EPHA6: variants seen among roughly 807,000 people sequenced by gnomAD.
The protein encoded by EPHA6 is ephrin type-A receptor 6.
In EPHA6, 50 loss-of-function variants were observed where a neutral mutation model predicts 112.0. The observed-to-expected ratio is 0.45, with a 90% confidence interval of 0.36 to 0.56. The LOEUF (loss-of-function observed/expected upper bound fraction) is 0.56. EPHA6 is among the 20% of genes least tolerant of loss of function. The probability of loss-of-function intolerance (pLI) is 0.00; values close to 1 mark genes in which losing one functional copy is unlikely to be tolerated. For missense variants in EPHA6, 1,280 were observed against 1,417.4 expected, an observed-to-expected ratio of 0.90 and a Z score of 1.56; for synonymous variants, 529 against 490.7, an observed-to-expected ratio of 1.08 and a Z score of -1.03.
intron 11 of EPHA6, 96 bp downstream of exon 11, chr3:97,532,639 A>G: frequency 9.9e-7 from 1 of 1,009,538 alleles, no homozygotes; most frequent in Non-Finnish European, 1.4e-6. Flanking sequence ...CACAGTCATT[A>G]AAGGAATAAC....
At chr3:97,079,216 T>C (rs72920204) in intron 3 of EPHA6, among the ~76,000 whole-genome samples, 2,692 of 152,164 alleles carry the variant, frequency 0.018, 84 homozygotes, top group African/African-American at 0.056. Flanking sequence ...TGCCCATCAA[T>C]GTTAGGATGA....
chr3:97,201,024 T>C (rs2077565994), intron 3 of EPHA6, among the ~76,000 whole-genome samples: 1 of 152,176 alleles, frequency 6.6e-6, no homozygotes, highest in African/African-American at 2.4e-5. Context: ...ATAATGAAAC[T>C]GCATATTAGA....
intron 2 of EPHA6, among the ~76,000 whole-genome samples, chr3:96,949,796 C>G (rs1279390026): frequency 1.3e-5 from 2 of 152,116 alleles, no homozygotes; most frequent in Non-Finnish European, 2.9e-5. Flanking sequence ...CTTACTCTCT[C>G]TAGGACATCT....
chr3:96,865,564 C>G (rs1412923683), intron 1 of EPHA6, among the ~76,000 whole-genome samples: 1 of 151,700 alleles, frequency 6.6e-6, no homozygotes, highest in Non-Finnish European at 1.5e-5. Flanking sequence ...TGCCTGTAGT[C>G]CCAGCTACTC....
At chr3:97,680,514 A>G (rs1051762732) in intron 14 of EPHA6, among the ~76,000 whole-genome samples, 2 of 152,238 alleles carry the variant, frequency 1.3e-5, no homozygotes, top group African/African-American at 4.8e-5. Flanking sequence ...AAGTGTGACT[A>G]AATGAATGAA....
Position 96,814,933 on chromosome 3 carries a change from C to A in EPHA6, c.310C>A (p.Leu104Ile), listed in dbSNP as rs1388393239. 1 of 1,551,404 alleles carries A rather than the reference C, an allele frequency of 6.4e-7. No homozygotes were observed. The highest frequency in any genetic ancestry group is 8.7e-7 in the Non-Finnish European group (1 of 1,146,622). ...GGGGGGCTGCGAAGTCCGGGAATTT[C>A]TTTTGCAATTTGGTTTCTTCTTGCC... The part of the protein sequence containing the change: ...TMGGCEVREF[L>I]LQFGFFLPLL... Residue 104 changes from leucine (L) to isoleucine (I), a missense_variant, in exon 1 of 18, where the codon CTT becomes ATT. By Grantham distance (5) the Leu-to-Ile change is conservative (BLOSUM62 2). Transcript: ENST00000389672.
chr3:96,960,495 A>G (rs1343479486), intron 2 of EPHA6, among the ~76,000 whole-genome samples: 1 of 152,106 alleles, frequency 6.6e-6, no homozygotes, highest in Non-Finnish European at 1.5e-5. Flanking sequence ...CATCATTTCT[A>G]CTGAAACTAG....
At chr3:97,392,342 C>A (rs1317559608) in intron 5 of EPHA6, among the ~76,000 whole-genome samples, 1 of 151,554 alleles carries the variant, frequency 6.6e-6, no homozygotes, top group African/African-American at 2.4e-5. Flanking sequence ...TCAAGATATA[C>A]TTCTGTTTTG....
chr3:97,300,061 A>G (rs964722578), intron 5 of EPHA6, among the ~76,000 whole-genome samples: 1 of 152,192 alleles, frequency 6.6e-6, no homozygotes, highest in African/African-American at 2.4e-5. Context: ...ATCAGATGAA[A>G]TCTCAAGAGT....
intron 13 of EPHA6, among the ~76,000 whole-genome samples, chr3:97,618,238 A>T (rs2093782886): frequency 6.6e-6 from 1 of 152,134 alleles, no homozygotes; most frequent in Non-Finnish European, 1.5e-5. Flanking sequence ...ATGAGAATAA[A>T]TATACAATGT....
intron 5 of EPHA6, among the ~76,000 whole-genome samples, chr3:97,302,690 A>G (rs1438645863): frequency 6.6e-6 from 1 of 151,940 alleles, no homozygotes; most frequent in Admixed American, 6.6e-5. Flanking sequence ...AGACAGTTTG[A>G]TCTTTGCCTG....
intron 5 of EPHA6, among the ~76,000 whole-genome samples, chr3:97,297,382 T>A (rs2080910650): frequency 6.6e-6 from 1 of 152,228 alleles, no homozygotes; most frequent in African/African-American, 2.4e-5. Context: ...AAAGGCTAGT[T>A]CTGGCTGCCT....
intron 2 of EPHA6, among the ~76,000 whole-genome samples, chr3:96,881,169 C>G (rs1017343726): frequency 6.6e-6 from 1 of 152,142 alleles, no homozygotes; most frequent in African/African-American, 2.4e-5. Flanking sequence ...TCCTCCCTAT[C>G]CTCACCAATG....
At chr3:97,390,105 G>A (rs915625462) in intron 5 of EPHA6, among the ~76,000 whole-genome samples, 3 of 152,204 alleles carry the variant, frequency 2.0e-5, no homozygotes, top group Admixed American at 6.6e-5. Flanking sequence ...TCCTCAGGAA[G>A]CCATGAATGT....
intron 10 of EPHA6, among the ~76,000 whole-genome samples, chr3:97,485,784 G>T (rs1218016441): frequency 6.6e-6 from 1 of 152,170 alleles, no homozygotes; most frequent in Non-Finnish European, 1.5e-5. Flanking sequence ...GAGGAGGTTG[G>T]ATAATCTCCA....
At chr3:97,284,854 A>T (rs891302989) in intron 5 of EPHA6, among the ~76,000 whole-genome samples, 2 of 152,166 alleles carry the variant, frequency 1.3e-5, no homozygotes, top group African/African-American at 4.8e-5. Flanking sequence ...ATTTACATAG[A>T]TCTATCAGAA....
intron 2 of EPHA6, among the ~76,000 whole-genome samples, chr3:96,894,993 C>A (rs1427666885): frequency 2.0e-5 from 3 of 152,178 alleles, no homozygotes; most frequent in Non-Finnish European, 2.9e-5. Context: ...TATCTACTTA[C>A]AAGCAAATCT....
intron 11 of EPHA6, among the ~76,000 whole-genome samples, chr3:97,550,054 A>G (rs2093008790): frequency 6.6e-6 from 1 of 152,224 alleles, no homozygotes; most frequent in Non-Finnish European, 1.5e-5. Context: ...AATCTCCAGT[A>G]TGGATGAAAC....
At chr3:97,202,006 G>A (rs2077589212) in intron 3 of EPHA6, among the ~76,000 whole-genome samples, 1 of 152,122 alleles carries the variant, frequency 6.6e-6, no homozygotes, top group Non-Finnish European at 1.5e-5. Flanking sequence ...ACATGCTGAT[G>A]ATGCTGTTTT....
Sources: gnomAD v4.1 joint callset for allele counts (sites outside exome capture counted in the v4.1 genomes callset) on GRCh38, gnomAD v4.1.1 for gene constraint, MANE v1.5 for transcripts, NCBI Gene and HGNC (gene_info 2026-07-23, HGNC 2026-07-21) for gene names.